The following RGSL1 variants were observed in gnomAD, a reference collection of about 807,000 sequenced individuals.
RGSL1 encodes regulator of G protein signaling protein-like.
RGSL1 carries 97 observed loss-of-function variants against 124.7 expected under a neutral mutation model. The observed-to-expected ratio is 0.78, with a 90% confidence interval of 0.66 to 0.92. RGSL1 has a LOEUF of 0.92. Among genes scored for constraint, RGSL1 ranks in the 40% least tolerant of loss-of-function variants. RGSL1 has a pLI of 0.00. For missense variants in RGSL1, 1,233 were observed against 1,288.4 expected (o/e 0.96, Z 0.66); for synonymous variants, 424 against 438.1 (o/e 0.97, Z 0.40).
At chr1:182,507,814 C>T (rs369852660) in intron 9 of RGSL1, among the ~76,000 whole-genome samples, 3 of 152,138 alleles carry the variant, frequency 2.0e-5, no homozygotes, top group South Asian at 2.1e-4. Flanking sequence ...GCAATCCTTC[C>T]ACCTCAGCCT....
intron 10 of RGSL1, 63 bp downstream of exon 10, chr1:182,522,172 T>A: frequency 9.0e-7 from 1 of 1,111,218 alleles, no homozygotes; most frequent in Non-Finnish European, 1.3e-6. Context: ...AACCTCAACA[T>A]GTCTAATGGT....
chr1:182,534,348 C>G (rs1659395681), intron 14 of RGSL1, among the ~76,000 whole-genome samples: 1 of 152,092 alleles, frequency 6.6e-6, no homozygotes. Context: ...GCCAGATAGT[C>G]TATTCTTATT....
At chr1:182,555,776 G>A in intron 20 of RGSL1, 1 of 488,760 alleles carries the variant, frequency 2.0e-6, no homozygotes, top group South Asian at 2.7e-5. Flanking sequence ...GCCCGTCCCA[G>A]TGCCCAGAAG....
At chr1:182,532,977 G>A (rs1042554357) in intron 14 of RGSL1, among the ~76,000 whole-genome samples, 186 bp downstream of exon 14, 3 of 152,136 alleles carry the variant, frequency 2.0e-5, no homozygotes, top group African/African-American at 7.2e-5. Flanking sequence ...AGAGGCCTCT[G>A]CTTAAGGAGC....
chr1:182,485,556 C>A (rs534193648), intron 6 of RGSL1, among the ~76,000 whole-genome samples: 63 of 152,216 alleles, frequency 4.1e-4, no homozygotes, highest in African/African-American at 1.5e-3. Context: ...ACATGTTCAT[C>A]CTCTTCTGAT....
At chr1:182,505,844 A>C (rs1158007514) in intron 9 of RGSL1, among the ~76,000 whole-genome samples, 3 of 152,182 alleles carry the variant, frequency 2.0e-5, no homozygotes, top group African/African-American at 7.2e-5. Context: ...ATTTTTATGT[A>C]ATAAACCAGT....
At chr1:182,527,526 A>G in intron 10 of RGSL1, 53 bp from the exon 11 acceptor site, 1 of 1,442,846 alleles carries the variant, frequency 6.9e-7, no homozygotes, top group Non-Finnish European at 9.3e-7. Context: ...TTGAAACAGA[A>G]TCCAGAATCA....
In RGSL1 at chr1:182,538,244, G is replaced by A. The variant is rs1056500919; in HGVS notation, c.2495-2003G>A. On this transcript the variant is annotated intron_variant, in intron 14 of 21. Coordinates refer to ENST00000294854, the MANE Select transcript of RGSL1 (RefSeq NM_001137669.2). Reference sequence around the variant, plus strand: ...TGGACGTTCCGATAAAAAAGTTTCAGCAGGCTGGGGCTGGTGGCTCAAGCC... The same window carrying A: ...TGGACGTTCCGATAAAAAAGTTTCAACAGGCTGGGGCTGGTGGCTCAAGCC... Among the ~76,000 whole-genome samples the A allele has an allele frequency of 7.9e-5, 12 of 152,270 alleles. No homozygotes were observed. In the East Asian group the frequency reaches 2.3e-3, roughly 29 times the overall value.
chr1:182,449,552 T>G (rs1220965858), upstream of RGSL1, among the ~76,000 whole-genome samples: 1 of 152,164 alleles, frequency 6.6e-6, no homozygotes, highest in African/African-American at 2.4e-5. Context: ...ACAGGAGAAA[T>G]GAAGAGTTGT....
At chr1:182,554,588 A>G (rs1400593899) in intron 19 of RGSL1, 39 bp from the exon 20 acceptor site, 20 of 1,537,628 alleles carry the variant, frequency 1.3e-5, no homozygotes, top group Non-Finnish European at 1.5e-5. Flanking sequence ...CGTCTATGTC[A>G]TGAGTCCTGA....
At chr1:182,459,606 T>C (rs1331744356) in intron 3 of RGSL1, among the ~76,000 whole-genome samples, 1 of 152,210 alleles carries the variant, frequency 6.6e-6, no homozygotes, top group Non-Finnish European at 1.5e-5. Context: ...GTTAGGAGCT[T>C]GTTAGAAATT....
At chr1:182,553,408 A>G in intron 18 of RGSL1, 47 bp from the exon 19 acceptor site, 1 of 1,375,946 alleles carries the variant, frequency 7.3e-7, no homozygotes, top group Non-Finnish European at 1.0e-6. Flanking sequence ...TTATTTCAGT[A>G]GGAGTTGTCG....
At chr1:182,475,978 T>C (rs1306200904) in intron 6 of RGSL1, among the ~76,000 whole-genome samples, 1 of 152,148 alleles carries the variant, frequency 6.6e-6, no homozygotes, top group African/African-American at 2.4e-5. Context: ...ATAAGGGAAT[T>C]GAGTCACACA....
intron 13 of RGSL1, 150 bp downstream of exon 13, chr1:182,531,060 A>AAT: frequency 8.7e-6 from 8 of 924,746 alleles, no homozygotes; most frequent in Non-Finnish European, 1.3e-5. Flanking sequence ...TCTCTTCTCT[A>AAT]CCTGTGATTA....
intron 4 of RGSL1, among the ~76,000 whole-genome samples, chr1:182,470,559 A>G (rs889225576): frequency 6.6e-6 from 1 of 152,098 alleles, no homozygotes; most frequent in Non-Finnish European, 1.5e-5. Context: ...TTGTCTCCTC[A>G]TTGAACCACT....
At position 182,488,355 on chromosome 1, in the gene RGSL1, G is replaced by A; in HGVS notation, c.1494+8G>A. 1.3e-6 allele frequency: 2 copies of A among 1,551,680 alleles called. No individual in the cohort carries two copies. The highest frequency in any genetic ancestry group is 1.2e-5 in the South Asian group (1 of 84,044). ...TGGTTTCTCCTTTTTACGGTAGGAA[G>A]GACTTTGGGTTAGGAAGGAATCATG... On this transcript the variant is annotated splice_region_variant and intron_variant, in intron 7 of 21. Transcript: ENST00000294854.
intron 6 of RGSL1, among the ~76,000 whole-genome samples, chr1:182,476,740 C>A (rs1016133420): frequency 1.3e-5 from 2 of 152,166 alleles, no homozygotes; most frequent in African/African-American, 4.8e-5. Context: ...TCTAGCAAGG[C>A]CCTACATGAT....
At chr1:182,473,412 G>T (rs1246135555) in intron 5 of RGSL1, among the ~76,000 whole-genome samples, 163 bp from the exon 6 acceptor site, 1 of 152,156 alleles carries the variant, frequency 6.6e-6, no homozygotes, top group Non-Finnish European at 1.5e-5. Flanking sequence ...CCATAAAAAT[G>T]TGTCGACTCT....
intron 9 of RGSL1, among the ~76,000 whole-genome samples, chr1:182,515,172 G>A (rs966119578): frequency 2.6e-5 from 4 of 152,124 alleles, no homozygotes; most frequent in African/African-American, 9.7e-5. Context: ...GGAATTGTTC[G>A]CACTCACCTA....
Sources: gnomAD v4.1 joint callset for allele counts (sites outside exome capture counted in the v4.1 genomes callset) on GRCh38, gnomAD v4.1.1 for gene constraint, MANE v1.5 for transcripts, NCBI Gene and HGNC (gene_info 2026-07-23, HGNC 2026-07-21) for gene names.